ARHGAP31: variants seen among roughly 807,000 people sequenced by gnomAD.
The protein encoded by ARHGAP31 is rho GTPase-activating protein 31.
ARHGAP31 carries 34 observed loss-of-function variants against 113.9 expected under a neutral mutation model. The observed-to-expected ratio is 0.30, with a 90% CI of 0.23 to 0.40. The LOEUF (loss-of-function observed/expected upper bound fraction) is 0.40, where lower values mean the gene tolerates loss of function less well. Among genes scored for constraint, ARHGAP31 ranks in the 10% least tolerant of loss-of-function variants. The pLI is 1.00. For synonymous variants in ARHGAP31, 650 were observed against 684.8 expected, an observed-to-expected ratio of 0.95 and a Z score of 0.79; for missense variants, 1,548 against 1,767.1, an observed-to-expected ratio of 0.88 and a Z score of 2.22.
rs564603017 is a variant in ARHGAP31, at chr3:119,350,861, C to T, written c.101-14455C>T. On this transcript the variant is annotated intron_variant, in intron 1 of 11. Coordinates refer to ENST00000264245, the MANE Select transcript of ARHGAP31 (RefSeq NM_020754.4). ...CAAAAAATTACCCTAATGTTTTGTC[C>T]TGAAAGACCTAGCTGTAAACCAGAG... Among the ~76,000 whole-genome samples, 4 of 152,236 alleles carry T rather than the reference C, an allele frequency of 2.6e-5. No homozygotes were observed. In the East Asian group the frequency reaches 5.8e-4, roughly 22 times the overall value.
At chr3:119,346,358 T>C (rs2107614819) in intron 1 of ARHGAP31, among the ~76,000 whole-genome samples, 1 of 152,188 alleles carries the variant, frequency 6.6e-6, no homozygotes, top group Non-Finnish European at 1.5e-5. Context: ...AGCAAATTTA[T>C]AGAAGGGGAG....
rs553934274 is a variant in ARHGAP31, at chr3:119,376,226, C to T, written c.349-4678C>T. Among the ~76,000 whole-genome samples, 20 of 152,312 alleles carry T rather than the reference C, an allele frequency of 1.3e-4. No homozygotes were observed. The East Asian group carries it at 1.7e-3, about 13-fold the overall frequency. ...CCTTAGGGCCAGGCTTGGTGGCTTA[C>T]GCCTGTAATCCCAGCACTTCGGGAG... On this transcript the variant is annotated intron_variant, in intron 3 of 11. Transcript: ENST00000264245.
intron 3 of ARHGAP31, 29 bp downstream of exon 3, chr3:119,368,545 C>T (rs1408527364): frequency 8.1e-6 from 13 of 1,613,618 alleles, no homozygotes; most frequent in Middle Eastern, 1.6e-4. Context: ...ATTATGGTTA[C>T]TGGGTGGGAT....
At chr3:119,400,517 C>T (rs1286627486) in intron 9 of ARHGAP31, among the ~76,000 whole-genome samples, 6 of 152,114 alleles carry the variant, frequency 3.9e-5, no homozygotes, top group African/African-American at 1.4e-4. Flanking sequence ...TAAGTTAACT[C>T]GATACTTTCA....
intron 11 of ARHGAP31, among the ~76,000 whole-genome samples, 154 bp from the exon 12 acceptor site, chr3:119,413,702 A>G (rs2080738582): frequency 1.3e-5 from 2 of 152,114 alleles, no homozygotes; most frequent in African/African-American, 4.8e-5. Flanking sequence ...CATGGTGAGC[A>G]CTCAAATAGC....
intron 6 of ARHGAP31, among the ~76,000 whole-genome samples, chr3:119,386,956 A>G (rs939763913): frequency 3.9e-5 from 6 of 152,206 alleles, no homozygotes; most frequent in African/African-American, 1.4e-4. Context: ...ACAGGATGGA[A>G]CATGAAGGCA....
chr3:119,307,796 T>C (rs2079643236), intron 1 of ARHGAP31, among the ~76,000 whole-genome samples: 1 of 151,934 alleles, frequency 6.6e-6, no homozygotes, highest in Non-Finnish European at 1.5e-5. Context: ...TTTCCATCAT[T>C]GATGGAACAA....
Position 119,416,342 on chromosome 3 carries a change from A to C in ARHGAP31, c.*78A>C. 6.3e-7 allele frequency: 1 copy of C among 1,595,212 alleles called. No individual in the cohort carries two copies. The highest frequency in any genetic ancestry group is 1.1e-5 in the South Asian group (1 of 90,030). ...TTACAGGGCCAGCTTGCCATATTCC[A>C]GGCACACGTTATCAAGTTTGGGCCT... On this transcript the variant is annotated 3_prime_UTR_variant, in exon 12 of 12. Coordinates refer to ENST00000264245, the MANE Select transcript of ARHGAP31 (RefSeq NM_020754.4).
chr3:119,324,945 A>G (rs1393069969), intron 1 of ARHGAP31: 1 of 456,736 alleles, frequency 2.2e-6, no homozygotes, highest in Non-Finnish European at 4.4e-6. Flanking sequence ...AAAAGGTGAA[A>G]ATGTGTCATT....
At chr3:119,309,601 A>G (rs1298226657) in intron 1 of ARHGAP31, among the ~76,000 whole-genome samples, 1 of 152,060 alleles carries the variant, frequency 6.6e-6, no homozygotes, top group Non-Finnish European at 1.5e-5. Flanking sequence ...CAAAAAAAAA[A>G]ATACAAATAT....
At position 119,325,597 on chromosome 3, in the gene ARHGAP31, G is replaced by A. The variant is rs183902430; in HGVS notation, c.100+30593G>A. ...TGAACCAGGGGAGAAAGGGTGGAGG[G>A]GAAGCTAGCTTCTCCTAGTTCTGTA... On this transcript the variant is annotated intron_variant, in intron 1 of 11. Coordinates refer to ENST00000264245, the MANE Select transcript of ARHGAP31 (RefSeq NM_020754.4). Among the ~76,000 whole-genome samples the A allele has an allele frequency of 4.2e-4, 61 of 145,666 alleles. No individual in the cohort carries two copies. In the East Asian group the frequency reaches 5.7e-3, roughly 14 times the overall value.
Position 119,415,068 on chromosome 3 carries a change from G to C in ARHGAP31, c.3139G>C (p.Gly1047Arg), listed in dbSNP as rs967366118. ...CAGCCTAGCAGAGGGAAAGGAGCTA[G>C]GGACACACCTGGGGCACAGCAGTCC... The part of the protein sequence containing the change: ...PISLAEGKEL[G>R]THLGHSSPQI... The change falls in exon 12 of 12, where the codon GGG becomes CGG. Residue 1047 changes from glycine to arginine, a missense_variant. Coordinates refer to ENST00000264245, the MANE Select transcript of ARHGAP31 (RefSeq NM_020754.4). The C allele has an allele frequency of 3.1e-6, 5 of 1,614,092 alleles. No homozygotes were observed. The African/African-American group carries it at 6.7e-5, about 22-fold the overall frequency.
chr3:119,389,924 T>G (rs977639641), intron 6 of ARHGAP31, among the ~76,000 whole-genome samples: 6 of 152,238 alleles, frequency 3.9e-5, no homozygotes, highest in Admixed American at 3.3e-4. Flanking sequence ...GAGGCACTGC[T>G]CTGTGCATTG....
chr3:119,301,993 GGAGT>G (rs1357869662), intron 1 of ARHGAP31, among the ~76,000 whole-genome samples: 1 of 152,202 alleles, frequency 6.6e-6, no homozygotes, highest in Non-Finnish European at 1.5e-5. Flanking sequence ...CCAGGAACAG[GGAGT>G]TAGCTTTCTT....
At chr3:119,411,121 G>A (rs1438621351) in intron 11 of ARHGAP31, among the ~76,000 whole-genome samples, 1 of 152,200 alleles carries the variant, frequency 6.6e-6, no homozygotes, top group African/African-American at 2.4e-5. Flanking sequence ...GAGCAAGGCT[G>A]GGATAGCTGG....
At position 119,393,596 on chromosome 3, in the gene ARHGAP31, G is replaced by C. The variant is rs1173824264; in HGVS notation, c.1006+5G>C. 1.2e-6 allele frequency: 2 copies of C among 1,613,902 alleles called. No individual in the cohort carries two copies. Among genetic ancestry groups the C allele is most frequent in the African/African-American group, 2.7e-5 (2 of 74,922 alleles). On this transcript the variant is annotated splice_donor_5th_base_variant and intron_variant, in intron 8 of 11. Coordinates refer to ENST00000264245, the MANE Select transcript of ARHGAP31 (RefSeq NM_020754.4). ...TGAGAGGACAGAGGCTCTCGGGTAA[G>C]AATCAACAGCAATTGTTTTATGATA...
intron 1 of ARHGAP31, among the ~76,000 whole-genome samples, chr3:119,323,596 C>T (rs1437073293): frequency 1.3e-5 from 2 of 151,978 alleles, no homozygotes; most frequent in Non-Finnish European, 1.5e-5. Context: ...GACATTGTTT[C>T]AGTTGCCTCA....
intron 7 of ARHGAP31, 48 bp downstream of exon 7, chr3:119,391,031 G>T (rs956649336): frequency 6.3e-7 from 1 of 1,588,998 alleles, no homozygotes; most frequent in African/African-American, 1.3e-5. Flanking sequence ...TGGTTGAAGA[G>T]GAAAGAGGAG....
At position 119,401,766 on chromosome 3, in the gene ARHGAP31, C is replaced by A. The variant is rs533211193; in HGVS notation, c.1070-56C>A. On this transcript the variant is annotated intron_variant, in intron 9 of 11. Transcript: ENST00000264245. ...TCGTGTGCCTGCCCTTACTGGAAGG[C>A]CTGCTATTGTATGTGTGCCCCGGCT... 2.3e-3 allele frequency: 3,545 copies of A among 1,547,444 alleles called. 7 individuals carry two copies. Among genetic ancestry groups the A allele is most frequent in the Non-Finnish European group, 2.9e-3 (3,260 of 1,123,462 alleles).
Sources: gnomAD v4.1 joint callset for allele counts (sites outside exome capture counted in the v4.1 genomes callset) on GRCh38, gnomAD v4.1.1 for gene constraint, MANE v1.5 for transcripts, NCBI Gene and HGNC (gene_info 2026-07-23, HGNC 2026-07-21) for gene names.